RMST: variants seen among roughly 807,000 people sequenced by gnomAD.
RMST encodes the protein rhabdomyosarcoma 2 associated transcript.
At chr12:97,515,203 TCTTAA>T (rs1289233021) in intron 10 of RMST, among the ~76,000 whole-genome samples, 2 of 152,148 alleles carry the variant, frequency 1.3e-5, no homozygotes, top group Admixed American at 6.5e-5. Flanking sequence ...TCCTTTACAC[TCTTAA>T]CTTTTCATAG....
intron 10 of RMST, among the ~76,000 whole-genome samples, chr12:97,528,198 G>A (rs780452734): frequency 2.6e-5 from 4 of 151,982 alleles, no homozygotes; most frequent in African/African-American, 7.2e-5. Flanking sequence ...ACATATTTTC[G>A]ATTTTAACAC....
At chr12:97,522,852 A>G (rs1332708068) in intron 10 of RMST, among the ~76,000 whole-genome samples, 4 of 152,204 alleles carry the variant, frequency 2.6e-5, no homozygotes, top group Non-Finnish European at 4.4e-5. Context: ...GAGATCATAT[A>G]GCCTCTAATA....
chr12:97,508,674 G>GT (rs759009934), intron 10 of RMST, among the ~76,000 whole-genome samples: 74 of 152,014 alleles, frequency 4.9e-4, no homozygotes, highest in South Asian at 8.3e-4. Flanking sequence ...TTGTTGTTGT[G>GT]TTTTTTTTGT....
intron 11 of RMST, among the ~76,000 whole-genome samples, chr12:97,544,793 G>T (rs1188440064): frequency 1.3e-5 from 2 of 151,830 alleles, no homozygotes; most frequent in African/African-American, 4.8e-5. Flanking sequence ...CCATTAAAAA[G>T]TCACATGACT....
chr12:97,513,619 T>C (rs1277709117), intron 10 of RMST, among the ~76,000 whole-genome samples: 1 of 152,182 alleles, frequency 6.6e-6, no homozygotes, highest in African/African-American at 2.4e-5. Flanking sequence ...GGGAATTAGC[T>C]CTTATATTAC....
At chr12:97,523,948 T>G (rs12811697) in intron 10 of RMST, among the ~76,000 whole-genome samples, 1 of 151,296 alleles carries the variant, frequency 6.6e-6, no homozygotes. Flanking sequence ...TGGTGGTGCG[T>G]GCCTGTAGTC....
At chr12:97,483,572 T>C (rs2136428784) in intron 5 of RMST, 1 of 152,274 alleles carries the variant, frequency 6.6e-6, no homozygotes, top group Admixed American at 6.5e-5. Context: ...CCAACAGAAA[T>C]TGGTAGGCTC....
At chr12:97,480,929 C>CATA (rs1875201253) in intron 5 of RMST, among the ~76,000 whole-genome samples, 1 of 152,094 alleles carries the variant, frequency 6.6e-6, no homozygotes, top group Non-Finnish European at 1.5e-5. Context: ...TTATCAATAC[C>CATA]CCGTACATAA....
At chr12:97,484,435 G>T (rs951008664) in intron 5 of RMST, among the ~76,000 whole-genome samples, 2 of 152,268 alleles carry the variant, frequency 1.3e-5, no homozygotes, top group Non-Finnish European at 2.9e-5. Context: ...ATTGCTACAT[G>T]CTTTTAGTCA....
intron 5 of RMST, among the ~76,000 whole-genome samples, chr12:97,484,466 G>T (rs1215603801): frequency 6.6e-6 from 1 of 152,168 alleles, no homozygotes; most frequent in Non-Finnish European, 1.5e-5. Flanking sequence ...AGCATCTTTA[G>T]CTTCCTATGT....
chr12:97,507,849 C>T lies in RMST; in HGVS notation n.1340+11793C>T, dbSNP rs547866607. On this transcript the variant is annotated intron_variant and non_coding_transcript_variant, in intron 10 of 13. Coordinates refer to ENST00000640149, the Ensembl canonical transcript of RMST. ...GAATGAATGAAAGCATGGAAGAACA[C>T]TGCAGCTGGGCACTTGGCAAGCCAG... is the stretch of plus-strand genomic sequence containing the variant. Among the ~76,000 whole-genome samples the T allele has an allele frequency of 4.6e-5, 7 of 152,238 alleles. No homozygotes were observed. In the East Asian group the frequency reaches 1.4e-3, roughly 29 times the overall value.
chr12:97,475,623 C>T (rs1228377414), intron 5 of RMST, among the ~76,000 whole-genome samples: 2 of 147,546 alleles, frequency 1.4e-5, no homozygotes, highest in East Asian at 4.0e-4. Flanking sequence ...TGTCAGGCAT[C>T]ATTTTCACAT....
At chr12:97,488,606 A>G (rs964849061) in intron 5 of RMST, among the ~76,000 whole-genome samples, 3 of 152,162 alleles carry the variant, frequency 2.0e-5, no homozygotes, top group East Asian at 3.9e-4. Flanking sequence ...TGGTGGCCCA[A>G]CTGGAAAAAA....
At chr12:97,501,027 T>C (rs369948663) in intron 10 of RMST, among the ~76,000 whole-genome samples, 2 of 152,344 alleles carry the variant, frequency 1.3e-5, no homozygotes, top group Admixed American at 6.5e-5. Flanking sequence ...TTGCTCACAA[T>C]GTCTGTGCCT....
intron 5 of RMST, among the ~76,000 whole-genome samples, chr12:97,485,790 G>GC (rs1876027649): frequency 6.6e-6 from 1 of 152,212 alleles, no homozygotes; most frequent in Non-Finnish European, 1.5e-5. Flanking sequence ...TCAAGGCGCA[G>GC]CCATCTTGGA....
intron 10 of RMST, among the ~76,000 whole-genome samples, chr12:97,514,942 G>C (rs1879781796): frequency 6.6e-6 from 1 of 152,110 alleles, no homozygotes; most frequent in Admixed American, 6.5e-5. Flanking sequence ...TGCTGGTTTT[G>C]TGAAACCTTT....
chr12:97,520,027 A>G (rs924737204), intron 10 of RMST, among the ~76,000 whole-genome samples: 5 of 152,210 alleles, frequency 3.3e-5, no homozygotes, highest in African/African-American at 1.2e-4. Context: ...TGCACTATCT[A>G]CTTCTCTTAT....
exon 13 of RMST, chr12:97,560,907 T>C (rs1226811858): frequency 6.6e-6 from 1 of 152,274 alleles, no homozygotes; most frequent in Non-Finnish European, 1.5e-5. Context: ...AAAGCCATGC[T>C]TTGAAGGATC....
intron 10 of RMST, among the ~76,000 whole-genome samples, chr12:97,522,779 A>G (rs1880649696): frequency 1.3e-5 from 2 of 152,198 alleles, no homozygotes; most frequent in Non-Finnish European, 1.5e-5. Flanking sequence ...ACTTGGTTGT[A>G]TGGTAAATAT....
Sources: gnomAD v4.1 joint callset for allele counts (sites outside exome capture counted in the v4.1 genomes callset) on GRCh38, gnomAD v4.1.1 for gene constraint, MANE v1.5 for transcripts, NCBI Gene and HGNC (gene_info 2026-07-23, HGNC 2026-07-21) for gene names.